DDX3Y: variants seen among roughly 807,000 people sequenced by gnomAD.
The protein encoded by DDX3Y is ATP-dependent RNA helicase DDX3Y.
A neutral mutation model predicts 15.1 loss-of-function variants in DDX3Y; 2 were observed. The observed-to-expected ratio is 0.13, with a 90% CI of 0.05 to 0.42. The LOEUF is 0.42. Among genes scored for constraint, DDX3Y ranks in the 10% least tolerant of loss-of-function variants. DDX3Y has a pLI of 0.99. For missense variants in DDX3Y, 81 were observed against 149.9 expected, an observed-to-expected ratio of 0.54 and a Z score of 2.40; for synonymous variants, 47 against 45.0, an observed-to-expected ratio of 1.04 and a Z score of -0.18.
intron 15 of DDX3Y, 137 bp from the exon 16 acceptor site, chrY:12,917,266 A>G: frequency 3.8e-6 from 1 of 264,152 alleles, no homozygotes; most frequent in Non-Finnish European, 5.8e-6. Flanking sequence ...ACATTGGGAC[A>G]TTAATGGGAT....
In DDX3Y at chrY:12,918,695, T is replaced by G. The variant is rs2053658221; in HGVS notation, c.*573T>G. Reference sequence around the variant, plus strand: ...AACATCTTAAAGCATTAAAGCATAGTTTTTTGTATGGCCAACCTTACTAAA... The same window carrying G: ...AACATCTTAAAGCATTAAAGCATAGGTTTTTGTATGGCCAACCTTACTAAA... On this transcript the variant is annotated 3_prime_UTR_variant, in exon 17 of 17. Coordinates refer to ENST00000336079, the MANE Select transcript of DDX3Y (RefSeq NM_004660.5). 3.0e-5 allele frequency: 1 copy of G among 33,370 alleles called. No homozygotes were observed. The highest frequency in any genetic ancestry group is 7.4e-5 in the Non-Finnish European group (1 of 13,529). The allele number at this position is 33,370 out of a possible 400,897, so 8.3% of individuals were successfully genotyped here.
intron 1 of DDX3Y, among the ~76,000 whole-genome samples, chrY:12,906,132 G>C: frequency 6.0e-5 from 2 of 33,263 alleles, no homozygotes; most frequent in Non-Finnish European, 1.5e-4. Context: ...TTCTGTGTCA[G>C]GAACCTACCG....
At chrY:12,913,594 G>A (rs9341303) in intron 6 of DDX3Y, 124 bp from the exon 7 acceptor site, 829 of 185,736 alleles carry the variant, frequency 4.5e-3, no homozygotes, top group Middle Eastern at 8.8e-3. Context: ...AGACAGTTTA[G>A]TTGGTTACTT....
chrY:12,912,758 G>A lies in DDX3Y; in HGVS notation c.313G>A (p.Gly105Ser), dbSNP rs934389669. 2 of 398,558 alleles carry A rather than the reference G, an allele frequency of 5.0e-6. No individual in the cohort carries two copies. Among genetic ancestry groups the A allele is most frequent in the Non-Finnish European group, 7.1e-6 (2 of 283,385 alleles). ...FDDRGRSDYD[G>S]IGNRERPGFG... ...TGATCGTGGACGGAGTGACTATGATGGTATTGGCAATCGTGAAAGACCTGG... is the reference window on the plus strand; with the variant it reads ...TGATCGTGGACGGAGTGACTATGATAGTATTGGCAATCGTGAAAGACCTGG... The change falls in exon 5 of 17, where the codon GGT becomes AGT. Residue 105 changes from glycine (G) to serine (S), a missense_variant. Transcript: ENST00000336079.
At chrY:12,915,434 T>A in intron 10 of DDX3Y, 196 bp from the exon 11 acceptor site, 1 of 172,113 alleles carries the variant, frequency 5.8e-6, no homozygotes, top group South Asian at 5.0e-5. Flanking sequence ...GTAATTCGGT[T>A]GTTACCTTGA....
At position 12,911,996 on chromosome Y, in the gene DDX3Y, G is replaced by A. The variant is rs542305997; in HGVS notation, c.281+28G>A. On this transcript the variant is annotated intron_variant, in intron 4 of 16. Coordinates refer to ENST00000336079, the MANE Select transcript of DDX3Y (RefSeq NM_004660.5). ...AAATCTCAGCTTGTGTTTGTATACAGTAGAAATTTAGAAATTTTAATTTGG... is the reference window on the plus strand; with the variant it reads ...AAATCTCAGCTTGTGTTTGTATACAATAGAAATTTAGAAATTTTAATTTGG... 7.2e-5 allele frequency: 24 copies of A among 332,107 alleles called. No individual in the cohort carries two copies. In the African/African-American group the frequency reaches 1.5e-3, roughly 21 times the overall value. 82.8% of individuals were successfully genotyped at this position (332,107 alleles called of 400,897 possible). A position where few individuals can be genotyped will look rare whatever the true frequency, so the allele number is the denominator to read the frequency against.
At chrY:12,911,685 T>G in intron 3 of DDX3Y, among the ~76,000 whole-genome samples, 154 bp from the exon 4 acceptor site, 1 of 34,227 alleles carries the variant, frequency 2.9e-5, no homozygotes, top group African/African-American at 1.1e-4. Flanking sequence ...AAGAAAACAT[T>G]AAAGCTTTTA....
chrY:12,908,895 C>T, intron 2 of DDX3Y, among the ~76,000 whole-genome samples: 1 of 32,617 alleles, frequency 3.1e-5, no homozygotes, highest in African/African-American at 1.2e-4. Context: ...ACCTTGTTAG[C>T]CAGGATGGTC....
chrY:12,914,453 C>T, intron 7 of DDX3Y, 111 bp from the exon 8 acceptor site: 1 of 171,574 alleles, frequency 5.8e-6, no homozygotes. Context: ...ACTGTAACTT[C>T]CTAGAAAATT....
In DDX3Y at chrY:12,913,683, T is replaced by C. The variant is rs756652762; in HGVS notation, c.538-35T>C. On this transcript the variant is annotated intron_variant, in intron 6 of 16. Transcript: ENST00000336079. ...CTGCTATGTTTACTTCTGTATTTAC[T>C]TGTATTTGATTAACCTGGTTAAATT... 5 of 384,119 alleles carry C rather than the reference T, an allele frequency of 1.3e-5. No individual in the cohort carries two copies. In the African/African-American group the frequency reaches 3.2e-4, roughly 25 times the overall value.
In DDX3Y at chrY:12,912,973, T is replaced by C; in HGVS notation, c.448T>C (p.Ser150Pro). 1 of 397,643 alleles carries C rather than the reference T, an allele frequency of 2.5e-6. No homozygotes were observed. The highest frequency in any genetic ancestry group is 3.5e-6 in the Non-Finnish European group (1 of 282,419). Reference protein sequence around the residue: ...PSERLEQELFSGGNTGINFEK... With the variant: ...PSERLEQELFPGGNTGINFEK... ...ATTGTTTGATTTCAGAGAACTGTTT[T>C]CTGGAGGAAACACGGGGATTAACTT... Residue 150 changes from serine (S) to proline (P), a missense_variant, in exon 6 of 17, where the codon TCT (serine) becomes CCT (proline). By Grantham distance (74) the Ser-to-Pro change is moderately conservative. Transcript: ENST00000336079.
chrY:12,916,899 C>T lies in DDX3Y; in HGVS notation c.1610-8C>T. On this transcript the variant is annotated splice_polypyrimidine_tract_variant and splice_region_variant and intron_variant, in intron 14 of 16. Coordinates refer to ENST00000336079, the MANE Select transcript of DDX3Y (RefSeq NM_004660.5). ...GGAAACTTCATGTACTTTTTTTGAA[C>T]ACTTTAGGCCTTGCCACCTCATTCT... is the stretch of plus-strand genomic sequence containing the variant. 2 of 379,260 alleles carry T rather than the reference C, an allele frequency of 5.3e-6. No individual in the cohort carries two copies. Among genetic ancestry groups the T allele is most frequent in the Admixed American group, 1.8e-4 (2 of 11,231 alleles). The allele number at this position is 379,260 out of a possible 400,897, so 94.6% of individuals were successfully genotyped here. A position where few individuals can be genotyped will look rare whatever the true frequency, so the allele number is the denominator to read the frequency against.
chrY:12,917,896 C>T, intron 16 of DDX3Y, 147 bp from the exon 17 acceptor site: 1 of 152,421 alleles, frequency 6.6e-6, no homozygotes, highest in East Asian at 1.3e-4. Context: ...TTCTCTTTTT[C>T]AAAGCATAAT....
chrY:12,917,315 C>A, intron 15 of DDX3Y, 88 bp from the exon 16 acceptor site: 2 of 340,791 alleles, frequency 5.9e-6, no homozygotes, highest in Admixed American at 1.6e-4. Flanking sequence ...ACTGAAAAAT[C>A]AAATTGGGAA....
intron 3 of DDX3Y, among the ~76,000 whole-genome samples, chrY:12,910,846 A>G (rs2053625081): frequency 3.1e-5 from 1 of 32,597 alleles, no homozygotes; most frequent in Non-Finnish European, 7.5e-5. Context: ...GATGCTTGCT[A>G]CATACAGTTG....
In DDX3Y at chrY:12,918,296, C is replaced by T; in HGVS notation, c.*174C>T. The T allele has an allele frequency of 9.9e-6, 1 of 100,757 alleles. No individual in the cohort carries two copies. The highest frequency in any genetic ancestry group is 1.7e-4 in the East Asian group (1 of 5,893). The allele number at this position is 100,757 out of a possible 400,897, so 25.1% of individuals were successfully genotyped here. A position where few individuals can be genotyped will look rare whatever the true frequency, so the allele number is the denominator to read the frequency against. On this transcript the variant is annotated 3_prime_UTR_variant, in exon 17 of 17. Coordinates refer to ENST00000336079, the MANE Select transcript of DDX3Y (RefSeq NM_004660.5). ...GAAGAAAAATGAAAGGAAAAAACAGCAGCCCTATTCAGAAATTGGTTTGAA... is the reference window on the plus strand; with the variant it reads ...GAAGAAAAATGAAAGGAAAAAACAGTAGCCCTATTCAGAAATTGGTTTGAA...
At chrY:12,908,607 G>A in intron 2 of DDX3Y, among the ~76,000 whole-genome samples, 2 of 34,323 alleles carry the variant, frequency 5.8e-5, no homozygotes, top group South Asian at 1.3e-3. Flanking sequence ...GAAAACACTT[G>A]ATTTGTTTTC....
At chrY:12,916,132 T>G in intron 12 of DDX3Y, 105 bp downstream of exon 12, 1 of 335,007 alleles carries the variant, frequency 3.0e-6, no homozygotes, top group Admixed American at 7.8e-5. Context: ...AATGCTTACA[T>G]TAATTGGCTC....
intron 7 of DDX3Y, among the ~76,000 whole-genome samples, chrY:12,914,204 A>G: frequency 2.9e-5 from 1 of 34,125 alleles, no homozygotes; most frequent in Non-Finnish European, 7.3e-5. Flanking sequence ...GGTTACGTCT[A>G]TAGCTGTAGA....
Sources: allele counts gnomAD v4.1 joint callset (sites outside exome capture counted in the v4.1 genomes callset), GRCh38; gene constraint gnomAD v4.1.1; transcripts MANE v1.5; gene names NCBI Gene and HGNC (gene_info 2026-07-23, HGNC 2026-07-21).